Variants in ATP5F1C observed in about 807,000 individuals in gnomAD.
ATP5F1C encodes ATP synthase F(1) complex subunit gamma, mitochondrial.
ATP5F1C carries 22 observed loss-of-function variants against 37.4 expected under a neutral mutation model. The ratio of observed to expected loss-of-function variants is 0.59; its 90% CI spans 0.42 to 0.84. The LOEUF (loss-of-function observed/expected upper bound fraction) is 0.84. Among genes scored for constraint, ATP5F1C ranks in the 40% least tolerant of loss-of-function variants. The pLI is 0.00. For synonymous variants in ATP5F1C, 121 were observed against 128.0 expected (o/e 0.95, Z 0.37); for missense variants, 286 against 362.4 (o/e 0.79, Z 1.71).
intron 3 of ATP5F1C, 130 bp downstream of exon 3, chr10:7,797,308 C>A: frequency 8.6e-7 from 1 of 1,160,296 alleles, no homozygotes; most frequent in Non-Finnish European, 1.2e-6. Flanking sequence ...TATTTTTCAT[C>A]TACATCCACT....
At position 7,799,777 on chromosome 10, in the gene ATP5F1C, A is replaced by G. The variant is rs1836316256; in HGVS notation, c.434A>G (p.His145Arg). 3.1e-6 allele frequency: 5 copies of G among 1,613,936 alleles called. No homozygotes were observed. In the African/African-American group the frequency reaches 6.7e-5, roughly 22 times the overall value. The change falls in exon 5 of 10, where the codon CAT (histidine) becomes CGT (arginine). Residue 145 changes from histidine to arginine, a missense_variant. Physicochemically the swap from His to Arg is conservative, Grantham distance 29. Transcript: ENST00000356708. ...AGCTCTTGCTTTTCTTATAGGACTC[A>G]TTCTGACCAGTTTCTGGTGGCATTC... The part of the protein sequence containing the change: ...DKIRGILYRT[H>R]SDQFLVAFKE...
At chr10:7,788,708 C>T (rs1588493979) in intron 1 of ATP5F1C, among the ~76,000 whole-genome samples, 1 of 152,088 alleles carries the variant, frequency 6.6e-6, no homozygotes, top group Non-Finnish European at 1.5e-5. Context: ...CCCTTTGAAA[C>T]CCTGTAGTGC....
At chr10:7,807,086 T>A (rs1836495726) in intron 9 of ATP5F1C, 76 bp downstream of exon 9, 4 of 1,406,692 alleles carry the variant, frequency 2.8e-6, no homozygotes, top group Non-Finnish European at 3.9e-6. Context: ...AATTTAGTAA[T>A]CCTAGAATTG....
intron 3 of ATP5F1C, among the ~76,000 whole-genome samples, chr10:7,797,890 G>A (rs1836271562): frequency 6.6e-6 from 1 of 152,150 alleles, no homozygotes; most frequent in Non-Finnish European, 1.5e-5. Context: ...AGATATGACA[G>A]TTTAAAAAGA....
intron 1 of ATP5F1C, among the ~76,000 whole-genome samples, chr10:7,793,734 A>T (rs1836196985): frequency 6.6e-6 from 1 of 152,196 alleles, no homozygotes; most frequent in Admixed American, 6.5e-5. Context: ...GGTATCTTGT[A>T]GAAGTTTTAT....
At position 7,797,110 on chromosome 10, in the gene ATP5F1C, C is replaced by T; in HGVS notation, c.155C>T (p.Ala52Val). 5.6e-6 allele frequency: 9 copies of T among 1,614,034 alleles called. No homozygotes were observed. Among genetic ancestry groups the T allele is most frequent in the Non-Finnish European group, 6.8e-6 (8 of 1,179,988 alleles). ...ATTACCAAGTCTATGAAAATGGTAG[C>T]GGCAGCAAAATATGCCCGAGCTGAG... is the stretch of plus-strand genomic sequence containing the variant. ...QKITKSMKMV[A>V]AAKYARAERE... Residue 52 changes from alanine (A) to valine (V), a missense_variant, in exon 3 of 10, where the codon GCG (alanine) becomes GTG (valine). Coordinates refer to ENST00000356708, the MANE Select transcript of ATP5F1C (RefSeq NM_001001973.3).
chr10:7,802,630 C>A, intron 7 of ATP5F1C, 128 bp from the exon 8 acceptor site: 1 of 1,138,608 alleles, frequency 8.8e-7, no homozygotes, highest in Non-Finnish European at 1.2e-6. Context: ...ATCTTCATAA[C>A]ATTATTTGAG....
chr10:7,804,156 A>G (rs1836428530), intron 8 of ATP5F1C: 1 of 518,940 alleles, frequency 1.9e-6, no homozygotes, highest in Non-Finnish European at 3.8e-6. Context: ...GGGATATAAG[A>G]AAAAGGAGAG....
intron 6 of ATP5F1C, among the ~76,000 whole-genome samples, chr10:7,800,504 T>A (rs1392672150): frequency 6.7e-6 from 1 of 148,542 alleles, no homozygotes; most frequent in Non-Finnish European, 1.5e-5. Flanking sequence ...TTTTTATTTT[T>A]TATTTTTTGA....
intron 1 of ATP5F1C, among the ~76,000 whole-genome samples, chr10:7,793,374 A>G (rs911835737): frequency 1.3e-5 from 2 of 152,286 alleles, no homozygotes; most frequent in East Asian, 1.9e-4. Flanking sequence ...GGCCTCCCAA[A>G]GTGCTGGGAT....
chr10:7,788,206 C>T lies in ATP5F1C; in HGVS notation c.-2C>T. The T allele has an allele frequency of 6.2e-7, 1 of 1,613,218 alleles. No homozygotes were observed. The highest frequency in any genetic ancestry group is 8.5e-7 in the Non-Finnish European group (1 of 1,179,900). Reference sequence around the variant, plus strand: ...CCGACCTTCAGCAGGGCTGTGGCTACCATGTTCTCTCGCGCGGGTGTCGCT... The same window carrying T: ...CCGACCTTCAGCAGGGCTGTGGCTATCATGTTCTCTCGCGCGGGTGTCGCT... On this transcript the variant is annotated 5_prime_UTR_variant, in exon 1 of 10. Transcript: ENST00000356708.
intron 2 of ATP5F1C, 137 bp downstream of exon 2, chr10:7,796,292 T>A: frequency 1.4e-6 from 1 of 707,056 alleles, no homozygotes; most frequent in Non-Finnish European, 2.2e-6. Flanking sequence ...ATTGTATGTT[T>A]GGGACATTGG....
At chr10:7,795,209 T>G (rs1836218596) in intron 1 of ATP5F1C, among the ~76,000 whole-genome samples, 1 of 152,178 alleles carries the variant, frequency 6.6e-6, no homozygotes, top group Non-Finnish European at 1.5e-5. Context: ...CCTTCTCCAT[T>G]TCTCACTCTT....
chr10:7,790,683 G>C (rs990630805), intron 1 of ATP5F1C, among the ~76,000 whole-genome samples: 1 of 152,212 alleles, frequency 6.6e-6, no homozygotes, highest in Non-Finnish European at 1.5e-5. Flanking sequence ...TATGAAGAGA[G>C]AGACTCTGTA....
intron 3 of ATP5F1C, among the ~76,000 whole-genome samples, chr10:7,797,656 C>T (rs540732704): frequency 8.5e-5 from 13 of 152,098 alleles, no homozygotes; most frequent in Admixed American, 5.9e-4. Context: ...GCAGCGGGGG[C>T]GGGTGAGGGG....
At chr10:7,800,611 C>T (rs1165734748) in intron 6 of ATP5F1C, among the ~76,000 whole-genome samples, 3 of 152,012 alleles carry the variant, frequency 2.0e-5, no homozygotes, top group African/African-American at 7.3e-5. Context: ...TCTCCTGCCT[C>T]AGCCTCCCAA....
rs553398219 is a variant in ATP5F1C, at chr10:7,788,193, A to G, written c.-15A>G. On this transcript the variant is annotated 5_prime_UTR_variant, in exon 1 of 10. Coordinates refer to ENST00000356708, the MANE Select transcript of ATP5F1C (RefSeq NM_001001973.3). Reference sequence around the variant, plus strand: ...GAGGCCTGCCTGACCGACCTTCAGCAGGGCTGTGGCTACCATGTTCTCTCG... The same window carrying G: ...GAGGCCTGCCTGACCGACCTTCAGCGGGGCTGTGGCTACCATGTTCTCTCG... 55 of 1,613,070 alleles carry G rather than the reference A, an allele frequency of 3.4e-5. No individual in the cohort carries two copies. In the Admixed American group the frequency reaches 7.2e-4, roughly 21 times the overall value.
rs1836257620 is a variant in ATP5F1C, at chr10:7,797,216, GT to G, written c.223+41del. 2.5e-6 allele frequency: 4 copies of G among 1,605,266 alleles called. No homozygotes were observed. The East Asian group carries it at 9.0e-5, about 36-fold the overall frequency. ...TGTAATTCACAAATTAGGAAGAACT[GT>G]TTCACACAAGGAAGACTACTGATGA... On this transcript the variant is annotated intron_variant, in intron 3 of 9. Transcript: ENST00000356708.
At chr10:7,799,948 T>C in intron 5 of ATP5F1C, 33 bp downstream of exon 5, 2 of 1,605,322 alleles carry the variant, frequency 1.2e-6, no homozygotes, top group Non-Finnish European at 1.7e-6. Flanking sequence ...AGCTTTTTTA[T>C]GTTCATGCTT....
Sources: allele counts gnomAD v4.1 joint callset (sites outside exome capture counted in the v4.1 genomes callset), GRCh38; gene constraint gnomAD v4.1.1; transcripts MANE v1.5; gene names NCBI Gene and HGNC (gene_info 2026-07-23, HGNC 2026-07-21).